The following SCN2B variants were observed in gnomAD, a reference collection of about 807,000 sequenced individuals.
SCN2B encodes the protein sodium channel regulatory subunit beta-2.
In SCN2B, 14 loss-of-function variants were observed where a neutral mutation model predicts 18.2. The observed-to-expected ratio is 0.77, with a 90% CI of 0.51 to 1.21. The LOEUF (loss-of-function observed/expected upper bound fraction) is 1.21. Ranked by LOEUF, SCN2B falls within the 50% of genes most tolerant of loss-of-function variation. SCN2B has a pLI of 0.00. For synonymous variants in SCN2B, 115 were observed against 115.3 expected (o/e 1.00, Z 0.02); for missense variants, 262 against 286.9 (o/e 0.91, Z 0.63).
Position 118,168,401 on chromosome 11 carries a change from G to A in SCN2B, c.238-106C>T. 1.5e-6 allele frequency: 2 copies of A among 1,293,688 alleles called. No individual in the cohort carries two copies. Among genetic ancestry groups the A allele is most frequent in the South Asian group, 1.2e-5 (1 of 83,448 alleles). 80.1% of individuals were successfully genotyped at this position (1,293,688 alleles called of 1,614,324 possible). A position where few individuals can be genotyped will look rare whatever the true frequency, so the allele number is the denominator to read the frequency against. On this transcript the variant is annotated intron_variant, in intron 2 of 3. Coordinates refer to ENST00000278947, the MANE Select transcript of SCN2B (RefSeq NM_004588.5). This position sits in a 1 kb window ranked among gnomAD's most constrained non-coding sequence, Gnocchi z 4.7. Reference sequence around the variant, plus strand: ...TCCACCCTTTTCCTGGGGAAGAGAGGCAGTTACCTCTGTGAGGCACCTGGA... The same window carrying A: ...TCCACCCTTTTCCTGGGGAAGAGAGACAGTTACCTCTGTGAGGCACCTGGA...
chr11:118,172,066 G>A (rs1948434980), intron 1 of SCN2B, among the ~76,000 whole-genome samples: 1 of 152,156 alleles, frequency 6.6e-6, no homozygotes, highest in Admixed American at 6.5e-5. Context: ...CAGACCTCCC[G>A]CCAGTCCGGG....
intron 1 of SCN2B, among the ~76,000 whole-genome samples, chr11:118,172,039 C>T (rs530248883): frequency 1.3e-5 from 2 of 152,322 alleles, no homozygotes; most frequent in South Asian, 2.1e-4. Context: ...ATCCCAGCAG[C>T]TCTAGGGTGC....
At chr11:118,174,931 G>C (rs1948457691) in intron 1 of SCN2B, among the ~76,000 whole-genome samples, 1 of 152,174 alleles carries the variant, frequency 6.6e-6, no homozygotes, top group Non-Finnish European at 1.5e-5. Flanking sequence ...TGATCAATTA[G>C]GTACTGTTAA....
chr11:118,168,607 C>T lies in SCN2B; in HGVS notation c.215G>A (p.Cys72Tyr). 1.2e-6 allele frequency: 2 copies of T among 1,614,236 alleles called. No individual in the cohort carries two copies. The highest frequency in any genetic ancestry group is 1.7e-6 in the Non-Finnish European group (2 of 1,180,030). The change falls in exon 2 of 4, where the codon TGC becomes TAC. Residue 72 changes from cysteine (C) to tyrosine (Y), a missense_variant. Cys to Tyr is a radical substitution (Grantham distance 194, BLOSUM62 -2). Coordinates refer to ENST00000278947, the MANE Select transcript of SCN2B (RefSeq NM_004588.5). This position sits in a 1 kb window ranked among gnomAD's most constrained non-coding sequence, Gnocchi z 4.7. ...CACCATCTCCTCAGAGCAGTTGTTGCACTCCTGGTAAGTCCAGTTCAGGGA... is the reference window on the plus strand; with the variant it reads ...CACCATCTCCTCAGAGCAGTTGTTGTACTCCTGGTAAGTCCAGTTCAGGGA... Reference protein sequence around the residue: ...QFSLNWTYQECNNCSEEMFLQ... With the variant: ...QFSLNWTYQEYNNCSEEMFLQ...
In SCN2B at chr11:118,168,171, TC is replaced by T. The variant is rs756929897; in HGVS notation, c.361del (p.Asp121MetfsTer10). Reference protein sequence around the residue: ...SVMLRNVQPEDEGIYNCYIMN... With the variant: ...SVMLRNVQPEXEGIYNCYIMN... ...GATGTAGCAGTTGTAAATCCCCTCA[TC>T]CTCCGGCTGCACGTTTCTCAGCATC... On this transcript the variant is annotated frameshift_variant, in exon 3 of 4. Coordinates refer to ENST00000278947, the MANE Select transcript of SCN2B (RefSeq NM_004588.5). LOFTEE classifies it high-confidence loss of function. The surrounding 1 kb of genome is among the most constrained non-coding windows in gnomAD (Gnocchi z 4.7). 1 of 1,614,166 alleles carries T rather than the reference TC, an allele frequency of 6.2e-7. No homozygotes were observed. The highest frequency in any genetic ancestry group is 1.1e-5 in the South Asian group (1 of 91,074).
Position 118,176,428 on chromosome 11 carries a change from G to A in SCN2B, c.4C>T (p.His2Tyr). The change falls in exon 1 of 4, where the codon CAC (histidine) becomes TAC (tyrosine). Residue 2 changes from histidine to tyrosine, a missense_variant. His to Tyr is a moderately conservative substitution (Grantham distance 83, BLOSUM62 2). Transcript: ENST00000278947. ...GGGCGAGGTAGCCAGGCATCTCTGT[G>A]CATTTTCAGAGACTGAGATGTTAGT... MHRDAWLPRPAF... is the reference protein window; with the variant it reads MYRDAWLPRPAF... The A allele has an allele frequency of 6.2e-7, 1 of 1,613,696 alleles. No individual in the cohort carries two copies. The highest frequency in any genetic ancestry group is 8.5e-7 in the Non-Finnish European group (1 of 1,179,672).
rs1325745825 is a variant in SCN2B at position 118,168,681 on chromosome 11, G to A, written c.141C>T (p.Arg47=). ...TLNVLNGSDA[R]LPCTFNSCYT... ...AGCAGGAGTTGAAGGTGCAGGGCAG[G>A]CGGGCGTCAGAGCCATTGAGGACGT... Residue 47 remains arginine, a synonymous_variant, in exon 2 of 4, where the codon CGC becomes CGT. Transcript: ENST00000278947. This position sits in a 1 kb window ranked among gnomAD's most constrained non-coding sequence, Gnocchi z 4.7. The A allele has an allele frequency of 1.9e-6, 3 of 1,614,100 alleles. No homozygotes were observed. The East Asian group carries it at 6.7e-5, about 36-fold the overall frequency.
At position 118,164,489 on chromosome 11, in the gene SCN2B, T is replaced by C. The variant is rs1948360994; in HGVS notation, c.*2398A>G. The C allele has an allele frequency of 6.5e-6, 1 of 152,886 alleles. No homozygotes were observed. Among genetic ancestry groups the C allele is most frequent in the African/African-American group, 2.4e-5 (1 of 41,450 alleles). 9.5% of individuals were successfully genotyped at this position (152,886 alleles called of 1,614,324 possible). On this transcript the variant is annotated 3_prime_UTR_variant, in exon 4 of 4. Transcript: ENST00000278947. ...ATGAGTTTAGCATTTCCAGATGGGCTTGACTCGCTCACCTCACCCAGGTGT... is the reference window on the plus strand; with the variant it reads ...ATGAGTTTAGCATTTCCAGATGGGCCTGACTCGCTCACCTCACCCAGGTGT...
Position 118,166,838 on chromosome 11 carries a change from C to T in SCN2B, c.*49G>A, listed in dbSNP as rs761669518. 4.0e-5 allele frequency: 64 copies of T among 1,606,662 alleles called. No homozygotes were observed. The highest frequency in any genetic ancestry group is 6.7e-5 in the East Asian group (3 of 44,838). ...GAGCAGGCAGGGTCACTGTACAGGG[C>T]GGAGAGGGGAGGAGACGGGACACGG... On this transcript the variant is annotated 3_prime_UTR_variant, in exon 4 of 4. Coordinates refer to ENST00000278947, the MANE Select transcript of SCN2B (RefSeq NM_004588.5).
chr11:118,170,185 G>A (rs1269418542), intron 1 of SCN2B, among the ~76,000 whole-genome samples: 1 of 152,174 alleles, frequency 6.6e-6, no homozygotes, highest in African/African-American at 2.4e-5. Flanking sequence ...ATATTCTGGG[G>A]AGAAGGATAG....
chr11:118,169,285 A>C (rs1342146069), intron 1 of SCN2B, among the ~76,000 whole-genome samples: 1 of 152,122 alleles, frequency 6.6e-6, no homozygotes, highest in Non-Finnish European at 1.5e-5. Flanking sequence ...CCCTGCCCCC[A>C]CCACACTTGC....
Position 118,163,929 on chromosome 11 carries a change from A to G in SCN2B, c.*2958T>C, listed in dbSNP as rs950182534. ...TCACCATCCTGGGGGAGGCAGCTCT[A>G]TGAGTCCTCTGGAGGAGATTCTAAG... On this transcript the variant is annotated 3_prime_UTR_variant, in exon 4 of 4. Coordinates refer to ENST00000278947, the MANE Select transcript of SCN2B (RefSeq NM_004588.5). 22 of 152,148 alleles carry G rather than the reference A, an allele frequency of 1.4e-4. No individual in the cohort carries two copies. Among genetic ancestry groups the G allele is most frequent in the African/African-American group, 3.9e-4 (16 of 41,412 alleles). 9.4% of individuals were successfully genotyped at this position (152,148 alleles called of 1,614,324 possible). A position where few individuals can be genotyped will look rare whatever the true frequency, so the allele number is the denominator to read the frequency against.
chr11:118,175,173 G>A (rs1948459608), intron 1 of SCN2B, among the ~76,000 whole-genome samples: 1 of 152,206 alleles, frequency 6.6e-6, no homozygotes, highest in Non-Finnish European at 1.5e-5. Context: ...TTGAGTTCCT[G>A]CCATGCACCA....
At chr11:118,170,631 G>A (rs1247537052) in intron 1 of SCN2B, among the ~76,000 whole-genome samples, 2 of 152,148 alleles carry the variant, frequency 1.3e-5, no homozygotes, top group Admixed American at 6.5e-5. Context: ...AGGCTGATGT[G>A]GGAATCGCAT....
At chr11:118,172,490 T>C (rs1411019072) in intron 1 of SCN2B, among the ~76,000 whole-genome samples, 1 of 152,176 alleles carries the variant, frequency 6.6e-6, no homozygotes, top group African/African-American at 2.4e-5. Context: ...TTGCCGACTA[T>C]ATGGCAGGTC....
Position 118,166,642 on chromosome 11 carries a change from G to A in SCN2B, c.*245C>T, listed in dbSNP as rs1050952065. 1.8e-5 allele frequency: 10 copies of A among 564,644 alleles called. No individual in the cohort carries two copies. The highest frequency in any genetic ancestry group is 3.2e-5 in the Non-Finnish European group (10 of 314,136). The allele number at this position is 564,644 out of a possible 1,614,324, so 35.0% of individuals were successfully genotyped here. The stretch of plus-strand genomic sequence containing the variant: ...TGCCTCCCCCCAGGGACTGGCAGGT[G>A]GGAGCCCTTTCTCTCCTCTCCCCAG... On this transcript the variant is annotated 3_prime_UTR_variant, in exon 4 of 4. Transcript: ENST00000278947.
In SCN2B at chr11:118,166,701, G is replaced by A. The variant is rs892457518; in HGVS notation, c.*186C>T. The A allele has an allele frequency of 3.7e-5, 25 of 674,158 alleles. 1 individual carries two copies. Among genetic ancestry groups the A allele is most frequent in the South Asian group, 1.4e-4 (8 of 57,782 alleles). The allele number at this position is 674,158 out of a possible 1,614,324, so 41.8% of individuals were successfully genotyped here. On this transcript the variant is annotated 3_prime_UTR_variant, in exon 4 of 4. Transcript: ENST00000278947. The stretch of plus-strand genomic sequence containing the variant: ...CGTCCCAGAGCATGGCAGGTTTCTC[G>A]GATGGAAGAGAGTGGGTCACTCTTG...
Position 118,169,200 on chromosome 11 carries a change from G to A in SCN2B, c.71-449C>T, listed in dbSNP as rs533355682. Among the ~76,000 whole-genome samples the A allele has an allele frequency of 3.5e-4, 54 of 152,204 alleles. 1 individual carries two copies. The South Asian group carries it at 0.01, about 29-fold the overall frequency. ...GGTAGGGGAGGAGAGAAACCAAATC[G>A]TCACATCATCTATATCTGTCAAGCC... is the stretch of plus-strand genomic sequence containing the variant. On this transcript the variant is annotated intron_variant, in intron 1 of 3. Transcript: ENST00000278947.
At position 118,176,534 on chromosome 11, in the gene SCN2B, G is replaced by T; in HGVS notation, c.-103C>A. ...GGTTGGATGCTAAAAAAAAATGCAC[G>T]GATGTACTTCAAAGACATATACAAC... is the stretch of plus-strand genomic sequence containing the variant. On this transcript the variant is annotated 5_prime_UTR_variant, in exon 1 of 4. Coordinates refer to ENST00000278947, the MANE Select transcript of SCN2B (RefSeq NM_004588.5). 1 of 834,940 alleles carries T rather than the reference G, an allele frequency of 1.2e-6. No homozygotes were observed. Among genetic ancestry groups the T allele is most frequent in the Non-Finnish European group, 2.1e-6 (1 of 478,640 alleles). 51.7% of individuals were successfully genotyped at this position (834,940 alleles called of 1,614,324 possible).
Sources: gnomAD v4.1 joint callset for allele counts (sites outside exome capture counted in the v4.1 genomes callset) on GRCh38, gnomAD v4.1.1 for gene constraint, Gnocchi (gnomAD v3.1) non-coding constraint, MANE v1.5 for transcripts, NCBI Gene and HGNC (gene_info 2026-07-23, HGNC 2026-07-21) for gene names.